Variants in MRFAP1 observed in about 807,000 individuals in gnomAD.
The protein encoded by MRFAP1 is MORF4 family-associated protein 1.
MRFAP1 carries 1 observed loss-of-function variant against 9.3 expected under a neutral mutation model. That is an observed-to-expected ratio of 0.11 (90% confidence interval 0.04 to 0.51). The LOEUF (loss-of-function observed/expected upper bound fraction) is 0.51. MRFAP1 is among the 20% of genes least tolerant of loss of function. MRFAP1 has a pLI of 0.94. For missense variants in MRFAP1, 180 were observed against 178.6 expected, an observed-to-expected ratio of 1.01 and a Z score of -0.04; for synonymous variants, 101 against 80.3, an observed-to-expected ratio of 1.26 and a Z score of -1.38.
intron 1 of MRFAP1, 143 bp from the exon 2 acceptor site, chr4:6,641,587 A>G (rs1331809908): frequency 7.7e-6 from 2 of 259,474 alleles, no homozygotes; most frequent in Non-Finnish European, 1.5e-5. Context: ...GACGTTGGAC[A>G]AGTCAACGTT....
At position 6,641,182 on chromosome 4, in the gene MRFAP1, T is replaced by C; in HGVS notation, c.320T>C (p.Ile107Thr). ...CEKAEEKAKE[I>T]AKMAEMLVEL... ...AAGGCCGAGGAGAAGGCCAAGGAGA[T>C]TGCGAAGATGGCAGAGATGCTGGTG... Residue 107 changes from isoleucine (I) to threonine (T), a missense_variant, in exon 1 of 2, where the codon ATT becomes ACT. Coordinates refer to ENST00000382581, the MANE Select transcript of MRFAP1 (RefSeq NM_033296.3). 6.2e-7 allele frequency: 1 copy of C among 1,612,610 alleles called. No individual in the cohort carries two copies. Among genetic ancestry groups the C allele is most frequent in the South Asian group, 1.1e-5 (1 of 90,986 alleles).
rs192878745 is a variant in MRFAP1, at chr4:6,641,753, C to T, written c.*36C>T. 108 of 153,752 alleles carry T rather than the reference C, an allele frequency of 7.0e-4. No homozygotes were observed. The highest frequency in any genetic ancestry group is 2.5e-3 in the African/African-American group (102 of 41,568). 9.5% of individuals were successfully genotyped at this position (153,752 alleles called of 1,614,324 possible). A position where few individuals can be genotyped will look rare whatever the true frequency, so the allele number is the denominator to read the frequency against. On this transcript the variant is annotated 3_prime_UTR_variant, in exon 2 of 2. Transcript: ENST00000382581. ...AGGTTTCCAGCCAATGGATTCTGGT[C>T]AACTGGTGGAGATTGGCTGACACCC...
In MRFAP1 at chr4:6,641,022, C is replaced by T. The variant is rs766987420; in HGVS notation, c.160C>T (p.Arg54Trp). 22 of 1,614,128 alleles carry T rather than the reference C, an allele frequency of 1.4e-5. No homozygotes were observed. The highest frequency in any genetic ancestry group is 1.8e-5 in the Non-Finnish European group (21 of 1,180,040). Reference sequence around the variant, plus strand: ...GCACGGGCGGGCGTACCTGCGGAACCGGAGCAAGCTGTGGGAGATGGACAA... The same window carrying T: ...GCACGGGCGGGCGTACCTGCGGAACTGGAGCAAGCTGTGGGAGATGGACAA... Reference protein sequence around the residue: ...REHGRAYLRNRSKLWEMDNML... With the variant: ...REHGRAYLRNWSKLWEMDNML... The change falls in exon 1 of 2, where the codon CGG (arginine) becomes TGG (tryptophan). Residue 54 changes from arginine (R) to tryptophan (W), a missense_variant. Transcript: ENST00000382581.
In MRFAP1 at chr4:6,641,906, G is replaced by T. The variant is rs1030480478; in HGVS notation, c.*189G>T. On this transcript the variant is annotated 3_prime_UTR_variant, in exon 2 of 2. Coordinates refer to ENST00000382581, the MANE Select transcript of MRFAP1 (RefSeq NM_033296.3). ...CTCAATATGAGTTTCGATTGTTAAC[G>T]TGTTTTTGTTTGGGAAGTAATTTTG... is the stretch of plus-strand genomic sequence containing the variant. The T allele has an allele frequency of 2.0e-5, 3 of 152,636 alleles. No individual in the cohort carries two copies. The highest frequency in any genetic ancestry group is 2.0e-4 in the Admixed American group (3 of 15,278). The allele number at this position is 152,636 out of a possible 1,614,324, so 9.5% of individuals were successfully genotyped here.
chr4:6,640,797 A>C lies in MRFAP1; in HGVS notation c.-66A>C. The C allele has an allele frequency of 6.5e-7, 1 of 1,541,138 alleles. No homozygotes were observed. On this transcript the variant is annotated 5_prime_UTR_variant, in exon 1 of 2. Transcript: ENST00000382581. Reference sequence around the variant, plus strand: ...ATATTCGGGCTCTCTATTGCTAAGCATAGCGAGTGTCGGTTTTCTCTCTCC... The same window carrying C: ...ATATTCGGGCTCTCTATTGCTAAGCCTAGCGAGTGTCGGTTTTCTCTCTCC...
At chr4:6,641,531 C>G (rs977338009) in intron 1 of MRFAP1, 199 bp from the exon 2 acceptor site, 1 of 395,922 alleles carries the variant, frequency 2.5e-6, no homozygotes, top group East Asian at 4.3e-5. Context: ...GACAAGGTCC[C>G]GGGCCGTCCA....
rs772901451 is a variant in MRFAP1 at position 6,641,024 on chromosome 4, G to T, written c.162G>T (p.Arg54=). 21 of 1,614,132 alleles carry T rather than the reference G, an allele frequency of 1.3e-5. No homozygotes were observed. The African/African-American group carries it at 2.5e-4, about 19-fold the overall frequency. ...ACGGGCGGGCGTACCTGCGGAACCG[G>T]AGCAAGCTGTGGGAGATGGACAATA... ...REHGRAYLRN[R]SKLWEMDNML... The change falls in exon 1 of 2, where the codon CGG becomes CGT. Residue 54 remains arginine (R), a synonymous_variant. Coordinates refer to ENST00000382581, the MANE Select transcript of MRFAP1 (RefSeq NM_033296.3).
chr4:6,642,361 T>C lies in MRFAP1; in HGVS notation c.*644T>C, dbSNP rs151108558. On this transcript the variant is annotated 3_prime_UTR_variant, in exon 2 of 2. Coordinates refer to ENST00000382581, the MANE Select transcript of MRFAP1 (RefSeq NM_033296.3). Reference sequence around the variant, plus strand: ...AAAATTTAAATTTGTTGTGGTACACTATCTTATGTAACCTGTCTGGTGAGT... The same window carrying C: ...AAAATTTAAATTTGTTGTGGTACACCATCTTATGTAACCTGTCTGGTGAGT... The C allele has an allele frequency of 5.2e-5, 8 of 152,848 alleles. No homozygotes were observed. The highest frequency in any genetic ancestry group is 2.0e-4 in the Admixed American group (3 of 15,312). The allele number at this position is 152,848 out of a possible 1,614,324, so 9.5% of individuals were successfully genotyped here. A position where few individuals can be genotyped will look rare whatever the true frequency, so the allele number is the denominator to read the frequency against.
At position 6,641,130 on chromosome 4, in the gene MRFAP1, G is replaced by A. The variant is rs1269861697; in HGVS notation, c.268G>A (p.Glu90Lys). 5 of 1,614,176 alleles carry A rather than the reference G, an allele frequency of 3.1e-6. 1 individual carries two copies. The South Asian group carries it at 5.5e-5, about 18-fold the overall frequency. ...CCTCCAGAACCCGGGCGACGCGGCC[G>A]AGGGCCGGGCGGCCAAGAGGTGCGA... ...NHLQNPGDAA[E>K]GRAAKRCEKA... The change falls in exon 1 of 2, where the codon GAG becomes AAG. Residue 90 changes from glutamate (E) to lysine (K), a missense_variant. By Grantham distance (56) the Glu-to-Lys change is moderately conservative. Coordinates refer to ENST00000382581, the MANE Select transcript of MRFAP1 (RefSeq NM_033296.3).
intron 1 of MRFAP1, 36 bp downstream of exon 1, chr4:6,641,294 C>A: frequency 6.6e-7 from 1 of 1,523,360 alleles, no homozygotes; most frequent in Non-Finnish European, 8.8e-7. Context: ...GAGGAGCGGC[C>A]CCAGCTTGGC....
At position 6,641,137 on chromosome 4, in the gene MRFAP1, G is replaced by C; in HGVS notation, c.275G>C (p.Arg92Pro). ...LQNPGDAAEG[R>P]AAKRCEKAEE... ...AACCCGGGCGACGCGGCCGAGGGCCGGGCGGCCAAGAGGTGCGAGAAGGCC... is the reference window on the plus strand; with the variant it reads ...AACCCGGGCGACGCGGCCGAGGGCCCGGCGGCCAAGAGGTGCGAGAAGGCC... Residue 92 changes from arginine (R) to proline (P), a missense_variant, in exon 1 of 2, where the codon CGG becomes CCG. Transcript: ENST00000382581. 6.2e-7 allele frequency: 1 copy of C among 1,614,168 alleles called. No individual in the cohort carries two copies. The highest frequency in any genetic ancestry group is 8.5e-7 in the Non-Finnish European group (1 of 1,180,018).
At chr4:6,641,406 C>T (rs1313045817) in intron 1 of MRFAP1, 148 bp downstream of exon 1, 1 of 1,049,670 alleles carries the variant, frequency 9.5e-7, no homozygotes, top group Non-Finnish European at 1.3e-6. Flanking sequence ...GCCCCGTCTT[C>T]GTGTTTTGTT....
At chr4:6,641,609 G>C in intron 1 of MRFAP1, 121 bp from the exon 2 acceptor site, 1 of 216,398 alleles carries the variant, frequency 4.6e-6, no homozygotes, top group Non-Finnish European at 9.3e-6. Flanking sequence ...CTAGAGACTG[G>C]AGTGAGTCAG....
At position 6,640,768 on chromosome 4, in the gene MRFAP1, A is replaced by G; in HGVS notation, c.-95A>G. Reference sequence around the variant, plus strand: ...AAGTTGAAAAAGGGTAAAAGTTTTCAGGAATATTCGGGCTCTCTATTGCTA... The same window carrying G: ...AAGTTGAAAAAGGGTAAAAGTTTTCGGGAATATTCGGGCTCTCTATTGCTA... On this transcript the variant is annotated 5_prime_UTR_variant, in exon 1 of 2. Coordinates refer to ENST00000382581, the MANE Select transcript of MRFAP1 (RefSeq NM_033296.3). The G allele has an allele frequency of 6.9e-7, 1 of 1,444,514 alleles. No homozygotes were observed. The highest frequency in any genetic ancestry group is 9.3e-7 in the Non-Finnish European group (1 of 1,069,536). 89.5% of individuals were successfully genotyped at this position (1,444,514 alleles called of 1,614,324 possible).
rs1293660050 is a variant in MRFAP1 at position 6,641,938 on chromosome 4, A to T, written c.*221A>T. 1.3e-5 allele frequency: 2 copies of T among 152,620 alleles called. No homozygotes were observed. The highest frequency in any genetic ancestry group is 2.9e-5 in the Non-Finnish European group (2 of 68,052). The allele number at this position is 152,620 out of a possible 1,614,324, so 9.5% of individuals were successfully genotyped here. Reference sequence around the variant, plus strand: ...TGTTTGGGAAGTAATTTTGTTTGAAAATGCTCTCACATACAGGAATTAGGG... The same window carrying T: ...TGTTTGGGAAGTAATTTTGTTTGAATATGCTCTCACATACAGGAATTAGGG... On this transcript the variant is annotated 3_prime_UTR_variant, in exon 2 of 2. Coordinates refer to ENST00000382581, the MANE Select transcript of MRFAP1 (RefSeq NM_033296.3).
Position 6,641,023 on chromosome 4 carries a change from G to C in MRFAP1, c.161G>C (p.Arg54Pro). Reference protein sequence around the residue: ...REHGRAYLRNRSKLWEMDNML... With the variant: ...REHGRAYLRNPSKLWEMDNML... The stretch of plus-strand genomic sequence containing the variant: ...CACGGGCGGGCGTACCTGCGGAACC[G>C]GAGCAAGCTGTGGGAGATGGACAAT... The change falls in exon 1 of 2, where the codon CGG becomes CCG. Residue 54 changes from arginine to proline, a missense_variant. By Grantham distance (103) the Arg-to-Pro change is moderately radical. Coordinates refer to ENST00000382581, the MANE Select transcript of MRFAP1 (RefSeq NM_033296.3). 6.2e-7 allele frequency: 1 copy of C among 1,614,254 alleles called. No homozygotes were observed. Among genetic ancestry groups the C allele is most frequent in the Non-Finnish European group, 8.5e-7 (1 of 1,180,034 alleles).
intron 1 of MRFAP1, chr4:6,641,470 G>C (rs947188502): frequency 5.2e-6 from 3 of 575,244 alleles, no homozygotes; most frequent in Non-Finnish European, 3.0e-6. Flanking sequence ...GGCGTGATGC[G>C]TGTTCAGTGG....
At position 6,641,157 on chromosome 4, in the gene MRFAP1, A is replaced by C. The variant is rs1463119149; in HGVS notation, c.295A>C (p.Lys99Gln). The C allele has an allele frequency of 6.2e-7, 1 of 1,614,090 alleles. No homozygotes were observed. ...AEGRAAKRCEKAEEKAKEIAK... is the reference protein window; with the variant it reads ...AEGRAAKRCEQAEEKAKEIAK... ...GGGCCGGGCGGCCAAGAGGTGCGAG[A>C]AGGCCGAGGAGAAGGCCAAGGAGAT... Residue 99 changes from lysine to glutamine, a missense_variant, in exon 1 of 2, where the codon AAG (lysine) becomes CAG (glutamine). Physicochemically the swap from Lys to Gln is moderately conservative, Grantham distance 53. Coordinates refer to ENST00000382581, the MANE Select transcript of MRFAP1 (RefSeq NM_033296.3).
In MRFAP1 at chr4:6,640,834, C is replaced by G; in HGVS notation, c.-29C>G. On this transcript the variant is annotated 5_prime_UTR_variant, in exon 1 of 2. Transcript: ENST00000382581. ...GGTTTTCTCTCTCCAACAGACATCG[C>G]TATTGCGGTTCCGAGGCAGTGGGAA... 2 of 1,585,826 alleles carry G rather than the reference C, an allele frequency of 1.3e-6. No homozygotes were observed. Among genetic ancestry groups the G allele is most frequent in the South Asian group, 1.2e-5 (1 of 86,206 alleles).
Sources: gnomAD v4.1 joint callset for allele counts on GRCh38, gnomAD v4.1.1 for gene constraint, MANE v1.5 for transcripts, NCBI Gene and HGNC (gene_info 2026-07-23, HGNC 2026-07-21) for gene names.